The following ATG5 variants were observed in gnomAD, a reference collection of about 807,000 sequenced individuals.
ATG5 encodes autophagy related 5.
A neutral mutation model predicts 36.5 loss-of-function variants in ATG5; 14 were observed. That is an observed-to-expected ratio of 0.38 (90% confidence interval 0.25 to 0.60). The LOEUF is 0.60. ATG5 is among the 20% of genes least tolerant of loss of function. The pLI, the probability that ATG5 is intolerant of heterozygous loss-of-function variation, is 0.60. For synonymous variants in ATG5, 95 were observed against 101.5 expected, an observed-to-expected ratio of 0.94 and a Z score of 0.38; for missense variants, 195 against 326.7, an observed-to-expected ratio of 0.60 and a Z score of 3.11.
At chr6:106,301,009 C>A (rs1770185926) in intron 3 of ATG5, among the ~76,000 whole-genome samples, 4 of 152,028 alleles carry the variant, frequency 2.6e-5, no homozygotes, top group African/African-American at 9.7e-5. Flanking sequence ...GGTTTACTTA[C>A]AAAGTATTCT....
intron 5 of ATG5, among the ~76,000 whole-genome samples, chr6:106,248,860 C>T (rs1778453373): frequency 6.6e-6 from 1 of 152,156 alleles, no homozygotes; most frequent in Non-Finnish European, 1.5e-5. Flanking sequence ...ATTGCTTGAA[C>T]CTGGGAGACA....
At chr6:106,303,768 T>C (rs1770306394) in intron 3 of ATG5, among the ~76,000 whole-genome samples, 1 of 152,082 alleles carries the variant, frequency 6.6e-6, no homozygotes, top group Non-Finnish European at 1.5e-5. Context: ...AATCCATAAA[T>C]GTCATCTATT....
At chr6:106,207,945 A>C (rs1776701975) in intron 6 of ATG5, among the ~76,000 whole-genome samples, 1 of 152,112 alleles carries the variant, frequency 6.6e-6, no homozygotes, top group Non-Finnish European at 1.5e-5. Context: ...TACAAAAACT[A>C]GTCAGGCATG....
chr6:106,187,493 A>T (rs1178259705), intron 7 of ATG5, among the ~76,000 whole-genome samples: 1 of 152,008 alleles, frequency 6.6e-6, no homozygotes, highest in Non-Finnish European at 1.5e-5. Flanking sequence ...AACTCCTCTA[A>T]TGAAAAAGAA....
intron 4 of ATG5, among the ~76,000 whole-genome samples, chr6:106,291,541 C>T (rs520296): frequency 0.036 from 5,448 of 152,124 alleles, 306 homozygotes; most frequent in East Asian, 0.25. Context: ...AGAAGGATCT[C>T]CATATTTGTT....
chr6:106,262,596 A>G (rs997681893), intron 5 of ATG5, among the ~76,000 whole-genome samples: 4 of 152,064 alleles, frequency 2.6e-5, no homozygotes, highest in Admixed American at 2.6e-4. Context: ...TCCGGTCTGC[A>G]GCTCCCAGCG....
At chr6:106,309,335 T>C (rs1449556483) in intron 2 of ATG5, among the ~76,000 whole-genome samples, 1 of 152,106 alleles carries the variant, frequency 6.6e-6, no homozygotes, top group Non-Finnish European at 1.5e-5. Flanking sequence ...GATATTCTGG[T>C]TGAAGGAATT....
chr6:106,283,627 G>A (rs983100219), intron 4 of ATG5: 2 of 152,054 alleles, frequency 1.3e-5, no homozygotes, highest in African/African-American at 2.4e-5. Flanking sequence ...AGCACACTAC[G>A]GCCCAGAACT....
At chr6:106,266,834 T>C (rs1456012075) in intron 5 of ATG5, among the ~76,000 whole-genome samples, 2 of 152,198 alleles carry the variant, frequency 1.3e-5, no homozygotes, top group African/African-American at 4.8e-5. Context: ...ATAAGCTAGG[T>C]ATTGATGGAA....
chr6:106,230,751 A>G (rs1777651254), intron 6 of ATG5, among the ~76,000 whole-genome samples: 1 of 152,084 alleles, frequency 6.6e-6, no homozygotes, highest in South Asian at 2.1e-4. Flanking sequence ...GAAAAAAAAG[A>G]CATATTCTTC....
intron 7 of ATG5, among the ~76,000 whole-genome samples, chr6:106,194,582 A>AG (rs1270320014): frequency 6.6e-6 from 1 of 150,978 alleles, no homozygotes; most frequent in African/African-American, 2.4e-5. Flanking sequence ...CTTGGTGCCC[A>AG]GGCTAGACTG....
At chr6:106,262,499 A>G (rs1475161952) in intron 5 of ATG5, among the ~76,000 whole-genome samples, 1 of 152,214 alleles carries the variant, frequency 6.6e-6, no homozygotes, top group Non-Finnish European at 1.5e-5. Flanking sequence ...AAGTACATCT[A>G]AAGTTTTCCA....
At chr6:106,242,190 G>A (rs1027745572) in intron 6 of ATG5, among the ~76,000 whole-genome samples, 1 of 152,032 alleles carries the variant, frequency 6.6e-6, no homozygotes, top group Non-Finnish European at 1.5e-5. Context: ...ATGTTGTCAA[G>A]GCTGGTCTCG....
At chr6:106,295,849 C>T (rs796544894) in intron 3 of ATG5, among the ~76,000 whole-genome samples, 2 of 152,262 alleles carry the variant, frequency 1.3e-5, no homozygotes, top group African/African-American at 4.8e-5. Context: ...TAGGCATGAG[C>T]CACTATGTCC....
intron 6 of ATG5, among the ~76,000 whole-genome samples, chr6:106,203,771 G>C (rs1236084195): frequency 6.6e-6 from 1 of 152,084 alleles, no homozygotes; most frequent in Non-Finnish European, 1.5e-5. Context: ...TTGTAGAAGG[G>C]GGTCTCACTA....
intron 6 of ATG5, among the ~76,000 whole-genome samples, chr6:106,223,478 T>G (rs1582570875): frequency 6.6e-6 from 1 of 152,314 alleles, no homozygotes; most frequent in Non-Finnish European, 1.5e-5. Context: ...GCGTAGTAGA[T>G]AGCTTAGGGC....
intron 5 of ATG5, among the ~76,000 whole-genome samples, chr6:106,265,995 C>G (rs184706750): frequency 2.0e-5 from 3 of 149,902 alleles, no homozygotes; most frequent in African/African-American, 7.4e-5. Context: ...TAATTAAGAT[C>G]AGAGCAGAAT....
chr6:106,288,423 T>G (rs1396161984), intron 4 of ATG5, among the ~76,000 whole-genome samples: 1 of 152,220 alleles, frequency 6.6e-6, no homozygotes, highest in East Asian at 1.9e-4. Context: ...CCATTTTCAT[T>G]GTTTTGGTAA....
chr6:106,232,019 G>A (rs1777714480), intron 6 of ATG5, among the ~76,000 whole-genome samples: 2 of 152,150 alleles, frequency 1.3e-5, no homozygotes, highest in South Asian at 2.1e-4. Context: ...CATGCACCTC[G>A]TGTCAAGGGA....
Sources: allele counts gnomAD v4.1 joint callset (sites outside exome capture counted in the v4.1 genomes callset), GRCh38; gene constraint gnomAD v4.1.1; transcripts MANE v1.5; gene names NCBI Gene and HGNC (gene_info 2026-07-23, HGNC 2026-07-21).